The following C11orf65 variants were observed in gnomAD, a reference collection of about 807,000 sequenced individuals.
C11orf65 encodes the protein protein MFI.
In C11orf65, 38 loss-of-function variants were observed where a neutral mutation model predicts 35.3. The observed-to-expected ratio is 1.08, with a 90% CI of 0.83 to 1.41. C11orf65 has a LOEUF of 1.41. Ranked by LOEUF, C11orf65 falls within the 40% of genes most tolerant of loss-of-function variation. The pLI is 0.00. For missense variants in C11orf65, 370 were observed against 367.1 expected (o/e 1.01, Z -0.06); for synonymous variants, 105 against 114.4 (o/e 0.92, Z 0.53).
At chr11:108,365,421 TGGTG>T in intron 2 of C11orf65, 1 of 1,614,180 alleles carries the variant, frequency 6.2e-7, no homozygotes, top group Non-Finnish European at 8.5e-7. Flanking sequence ...TGCTCAGTGT[TGGTG>T]GACAAGTGAA....
intron 2 of C11orf65, among the ~76,000 whole-genome samples, chr11:108,340,623 C>G (rs367862120): frequency 6.6e-6 from 1 of 152,318 alleles, no homozygotes; most frequent in South Asian, 2.1e-4. Flanking sequence ...CAACAGTTTA[C>G]TTCTGCTCTT....
At chr11:108,350,492 C>G (rs1277526647) in intron 2 of C11orf65, among the ~76,000 whole-genome samples, 1 of 152,080 alleles carries the variant, frequency 6.6e-6, no homozygotes, top group African/African-American at 2.4e-5. Context: ...GGAGTACAAC[C>G]CATATGAGTG....
chr11:108,332,111 C>T (rs2136535206), intron 3 of C11orf65: 2 of 1,562,938 alleles, frequency 1.3e-6, no homozygotes, highest in Non-Finnish European at 1.7e-6. Context: ...TTTTTAAAAT[C>T]TTGTGTTATT....
At position 108,354,879 on chromosome 11, in the gene C11orf65, A is replaced by T. The variant is rs1057522186; in HGVS notation, c.227-19587T>A. On this transcript the variant is annotated intron_variant, in intron 2 of 3. Coordinates refer to the C11orf65 transcript ENST00000524755. The stretch of plus-strand genomic sequence containing the variant: ...ACTCTGTTAACCATTGTAGAGGTAA[A>T]GTATTTTATAAGGAAGACTTTATTT... The T allele has an allele frequency of 6.2e-7, 1 of 1,609,606 alleles. No homozygotes were observed. The highest frequency in any genetic ancestry group is 1.7e-5 in the Admixed American group (1 of 60,024).
At chr11:108,370,617 G>GT (rs1432130287) in intron 2 of C11orf65, among the ~76,000 whole-genome samples, 171 of 140,878 alleles carry the variant, frequency 1.2e-3, no homozygotes, top group East Asian at 6.0e-3. Context: ...GCAGGGTTTT[G>GT]TTTTGTTTTT....
rs60928526 is a variant in C11orf65, at chr11:108,459,726, T to TACACACACACACACACACACAC, written c.81+1731_81+1752dup. On this transcript the variant is annotated intron_variant, in intron 2 of 8. Coordinates refer to ENST00000393084, the MANE Select transcript of C11orf65 (RefSeq NM_152587.5). ...AGAAGGTGAAAATGTGTCCTCCGTC[T>TACACACACACACACACACACAC]ACACACACACACACACACACACACA... Among the ~76,000 whole-genome samples, 250 of 138,658 alleles carry TACACACACACACACACACACAC rather than the reference T, an allele frequency of 1.8e-3. 2 individuals carry two copies. Among genetic ancestry groups the TACACACACACACACACACACAC allele is most frequent in the Non-Finnish European group, 3.2e-3 (203 of 64,352 alleles). The allele number at this position is 138,658 out of a possible 152,430, so 91.0% of individuals were successfully genotyped here.
intron 2 of C11orf65, among the ~76,000 whole-genome samples, chr11:108,448,784 GGCAATTA>G (rs1319269601): frequency 5.3e-5 from 8 of 152,090 alleles, no homozygotes; most frequent in African/African-American, 1.9e-4. Flanking sequence ...TTCTGGCCAG[GGCAATTA>G]GGCAGGAGAA....
At chr11:108,444,926 G>A (rs922622582) in intron 2 of C11orf65, among the ~76,000 whole-genome samples, 10 of 152,152 alleles carry the variant, frequency 6.6e-5, no homozygotes, top group Non-Finnish European at 1.3e-4. Context: ...CTTTTGCAAC[G>A]GGCTTAAAAA....
chr11:108,461,595 C>T (rs139636423), intron 1 of C11orf65, 27 bp from the exon 2 acceptor site: 38 of 1,287,468 alleles, frequency 3.0e-5, no homozygotes, highest in Non-Finnish European at 4.0e-5. Context: ...AAAAAGGGTA[C>T]ATTTAAAATA....
At chr11:108,359,886 G>A (rs1390868899) in intron 2 of C11orf65, among the ~76,000 whole-genome samples, 2 of 152,084 alleles carry the variant, frequency 1.3e-5, no homozygotes, top group East Asian at 1.9e-4. Context: ...AATTAAAAGA[G>A]CTAGAAAAGG....
rs375013458 is a variant in C11orf65 at position 108,397,271 on chromosome 11, A to G, written c.561-3893T>C. On this transcript the variant is annotated intron_variant, in intron 6 of 8. Coordinates refer to ENST00000393084, the MANE Select transcript of C11orf65 (RefSeq NM_152587.5). The stretch of plus-strand genomic sequence containing the variant: ...GAGGCAGAGGTTGCAGTGAGCTGAC[A>G]TGGTGCCAATGTACTCCAGCCTGGG... 5.3e-5 allele frequency among the ~76,000 whole-genome samples: 8 copies of G among 150,956 alleles called. No individual in the cohort carries two copies. In the East Asian group the frequency reaches 1.4e-3, roughly 26 times the overall value.
intron 6 of C11orf65, among the ~76,000 whole-genome samples, chr11:108,397,077 T>C (rs922110962): frequency 9.9e-5 from 15 of 152,066 alleles, no homozygotes; most frequent in African/African-American, 3.6e-4. Context: ...TCCCAGAACT[T>C]TGAGAGGCAA....
chr11:108,427,824 T>C (rs555487942), intron 3 of C11orf65, among the ~76,000 whole-genome samples: 2 of 90,828 alleles, frequency 2.2e-5, no homozygotes, highest in South Asian at 8.9e-4. Flanking sequence ...AGAATGGCAA[T>C]CTTTTTTTTT....
intron 6 of C11orf65, among the ~76,000 whole-genome samples, chr11:108,393,612 T>C (rs2092223902): frequency 6.6e-6 from 1 of 152,206 alleles, no homozygotes; most frequent in Non-Finnish European, 1.5e-5. Context: ...AAGTTGCATT[T>C]TTATGATACG....
chr11:108,318,973 C>CA (rs1457787019), intron 6 of C11orf65, among the ~76,000 whole-genome samples: 3 of 151,900 alleles, frequency 2.0e-5, no homozygotes, highest in African/African-American at 7.3e-5. Context: ...GTTAGGAATT[C>CA]AAGACAAGCT....
rs148781946 is a variant in C11orf65 at position 108,367,482 on chromosome 11, C to G, written c.226+25726G>C. 2.7e-3 allele frequency: 557 copies of G among 204,632 alleles called. 5 individuals are homozygous for G. The highest frequency in any genetic ancestry group is 0.012 in the African/African-American group (504 of 43,784). The allele number at this position is 204,632 out of a possible 1,614,324, so 12.7% of individuals were successfully genotyped here. A position where few individuals can be genotyped will look rare whatever the true frequency, so the allele number is the denominator to read the frequency against. On this transcript the variant is annotated intron_variant, in intron 2 of 3. Transcript: ENST00000524755. Reference sequence around the variant, plus strand: ...CCCAGCTGTCATCATATAAGATAAACATCAGATAAAAAGCCACCTGAAAGT... The same window carrying G: ...CCCAGCTGTCATCATATAAGATAAAGATCAGATAAAAAGCCACCTGAAAGT...
chr11:108,466,496 C>T (rs938595352), intron 1 of C11orf65, among the ~76,000 whole-genome samples: 2 of 152,134 alleles, frequency 1.3e-5, no homozygotes, highest in African/African-American at 2.4e-5. Context: ...ATAACTTGAA[C>T]CCAGGAGGCA....
chr11:108,359,489 A>G (rs1238256614), intron 2 of C11orf65, among the ~76,000 whole-genome samples: 1 of 152,082 alleles, frequency 6.6e-6, no homozygotes, highest in Non-Finnish European at 1.5e-5. Context: ...TCAACAGAAT[A>G]TACATTTTTT....
rs757876932 is a variant in C11orf65 at position 108,345,871 on chromosome 11, A to G, written c.227-10579T>C. 1 of 1,613,864 alleles carries G rather than the reference A, an allele frequency of 6.2e-7. No individual in the cohort carries two copies. The highest frequency in any genetic ancestry group is 8.5e-7 in the Non-Finnish European group (1 of 1,179,852). On this transcript the variant is annotated intron_variant, in intron 2 of 3. Transcript: ENST00000524755. ...ATCCAGCTATTTGGTTTGAGAAGCG[A>G]TTGGCTTATACGCGCAGTGTAGCTA...
Sources: gnomAD v4.1 joint callset for allele counts (sites outside exome capture counted in the v4.1 genomes callset) on GRCh38, gnomAD v4.1.1 for gene constraint, MANE v1.5 for transcripts, NCBI Gene and HGNC (gene_info 2026-07-23, HGNC 2026-07-21) for gene names.